Variants in UNC5B observed in about 807,000 individuals in gnomAD.
UNC5B encodes the protein netrin receptor UNC5B.
UNC5B carries 56 observed loss-of-function variants against 103.7 expected under a neutral mutation model. The ratio of observed to expected loss-of-function variants is 0.54; its 90% CI spans 0.44 to 0.67. The LOEUF is 0.67. Among genes scored for constraint, UNC5B ranks in the 30% least tolerant of loss-of-function variants. The probability of loss-of-function intolerance (pLI) is 0.00; values close to 1 mark genes in which losing one functional copy is unlikely to be tolerated. For synonymous variants in UNC5B, 577 were observed against 542.0 expected, an observed-to-expected ratio of 1.06 and a Z score of -0.90; for missense variants, 1,194 against 1,284.5, an observed-to-expected ratio of 0.93 and a Z score of 1.08.
At chr10:71,273,039 C>T (rs1844683951) in intron 1 of UNC5B, among the ~76,000 whole-genome samples, 1 of 152,234 alleles carries the variant, frequency 6.6e-6, no homozygotes, top group African/African-American at 2.4e-5. Context: ...CAGGCATCCG[C>T]CACCACACCC....
rs574361515 is a variant in UNC5B at position 71,226,897 on chromosome 10, T to C, written c.79+13833T>C. 9.2e-5 allele frequency among the ~76,000 whole-genome samples: 14 copies of C among 152,116 alleles called. No homozygotes were observed. In the South Asian group the frequency reaches 1.5e-3, roughly 16 times the overall value. ...ACTTTTCAGATGAGATAGATAGATA[T>C]ATATACCATGGAATACTACTCAGTC... On this transcript the variant is annotated intron_variant, in intron 1 of 16. Coordinates refer to ENST00000335350, the MANE Select transcript of UNC5B (RefSeq NM_170744.5).
intron 1 of UNC5B, among the ~76,000 whole-genome samples, chr10:71,236,779 A>T (rs2132255211): frequency 6.6e-6 from 1 of 152,306 alleles, no homozygotes; most frequent in South Asian, 2.1e-4. Context: ...AGGTCCAGTG[A>T]AGCCCTCAAG....
intron 1 of UNC5B, among the ~76,000 whole-genome samples, chr10:71,225,152 C>A (rs1004156475): frequency 6.6e-6 from 1 of 152,234 alleles, no homozygotes; most frequent in Non-Finnish European, 1.5e-5. Flanking sequence ...ATCTCACCCA[C>A]CTTCTTTGAG....
intron 1 of UNC5B, chr10:71,217,278 G>A (rs1477002232): frequency 2.6e-5 from 4 of 152,648 alleles, no homozygotes; most frequent in Admixed American, 2.0e-4. Flanking sequence ...ACCGTAATTA[G>A]AATAATACAA....
chr10:71,258,739 G>T (rs1405052531), intron 1 of UNC5B, among the ~76,000 whole-genome samples: 1 of 152,208 alleles, frequency 6.6e-6, no homozygotes, highest in Non-Finnish European at 1.5e-5. Context: ...GGCCAAGCTG[G>T]CACCCACTTG....
intron 1 of UNC5B, among the ~76,000 whole-genome samples, chr10:71,268,758 A>G (rs1386236617): frequency 6.6e-6 from 1 of 152,140 alleles, no homozygotes; most frequent in Non-Finnish European, 1.5e-5. Flanking sequence ...CGGCATGGGG[A>G]TGTAAGCACT....
intron 1 of UNC5B, among the ~76,000 whole-genome samples, chr10:71,275,403 A>C (rs1196760714): frequency 6.6e-6 from 1 of 152,222 alleles, no homozygotes; most frequent in Non-Finnish European, 1.5e-5. Context: ...GAGGCCAGGG[A>C]GGCAGGGCTG....
chr10:71,244,937 G>C (rs1843991498), intron 1 of UNC5B, among the ~76,000 whole-genome samples: 1 of 152,228 alleles, frequency 6.6e-6, no homozygotes, highest in African/African-American at 2.4e-5. Context: ...ATGTCTCCCA[G>C]ATGTTCCTCA....
intron 1 of UNC5B, among the ~76,000 whole-genome samples, chr10:71,216,710 C>A (rs1200734892): frequency 6.6e-6 from 1 of 152,218 alleles, no homozygotes; most frequent in African/African-American, 2.4e-5. Context: ...TGACCCTTTT[C>A]CTGGGTGTCA....
chr10:71,243,197 G>A (rs190522320), intron 1 of UNC5B, among the ~76,000 whole-genome samples: 143 of 152,158 alleles, frequency 9.4e-4, no homozygotes, highest in African/African-American at 3.2e-3. Flanking sequence ...ATCTCATCAC[G>A]GCACTCCAGC....
At chr10:71,263,296 C>T (rs994082816) in intron 1 of UNC5B, among the ~76,000 whole-genome samples, 20 of 152,236 alleles carry the variant, frequency 1.3e-4, no homozygotes, top group African/African-American at 4.8e-4. Flanking sequence ...CCTCAGTTTC[C>T]TCATCTGTCC....
At chr10:71,282,189 G>C (rs1305538553) in intron 2 of UNC5B, among the ~76,000 whole-genome samples, 1 of 152,244 alleles carries the variant, frequency 6.6e-6, no homozygotes, top group Non-Finnish European at 1.5e-5. Context: ...GGTGGGGCCT[G>C]ATTCCACTTC....
chr10:71,281,028 G>A (rs1470997499), intron 2 of UNC5B, among the ~76,000 whole-genome samples: 1 of 151,610 alleles, frequency 6.6e-6, no homozygotes, highest in Non-Finnish European at 1.5e-5. Flanking sequence ...TTCCCTATGT[G>A]CCTGTTTTGC....
At chr10:71,291,971 T>A in intron 10 of UNC5B, 150 bp downstream of exon 10, 5 of 1,271,826 alleles carry the variant, frequency 3.9e-6, no homozygotes, top group Non-Finnish European at 5.2e-6. Flanking sequence ...GAGTATAAAA[T>A]AGAGAGGTCT....
At position 71,292,546 on chromosome 10, in the gene UNC5B, A is replaced by G; in HGVS notation, c.1764A>G (p.Glu588=). The change falls in exon 11 of 17, where the codon GAA becomes GAG. Residue 588 remains glutamate (E), a synonymous_variant. Coordinates refer to ENST00000335350, the MANE Select transcript of UNC5B (RefSeq NM_170744.5). Reference sequence around the variant, plus strand: ...TGTATCTACTCATCAACAAGGCAGAAAGTACCCTGTGAGTAGAGCCCCAGC... The same window carrying G: ...TGTATCTACTCATCAACAAGGCAGAGAGTACCCTGTGAGTAGAGCCCCAGC... ...YEMYLLINKA[E]STLPLSEGTQ... 6.2e-7 allele frequency: 1 copy of G among 1,602,400 alleles called. No homozygotes were observed. Among genetic ancestry groups the G allele is most frequent in the Non-Finnish European group, 8.5e-7 (1 of 1,174,520 alleles).
intron 1 of UNC5B, among the ~76,000 whole-genome samples, chr10:71,265,487 A>C (rs1844503403): frequency 6.6e-6 from 1 of 152,176 alleles, no homozygotes; most frequent in Non-Finnish European, 1.5e-5. Context: ...GCGTGAACTA[A>C]GAACTTTTCT....
At chr10:71,221,074 TTG>T (rs1301839017) in intron 1 of UNC5B, among the ~76,000 whole-genome samples, 3 of 152,186 alleles carry the variant, frequency 2.0e-5, no homozygotes, top group Non-Finnish European at 2.9e-5. Flanking sequence ...CCAGAACCAC[TTG>T]TGTTTACAGA....
chr10:71,263,642 C>T (rs753313792), intron 1 of UNC5B, among the ~76,000 whole-genome samples: 11 of 152,182 alleles, frequency 7.2e-5, no homozygotes, highest in Non-Finnish European at 1.3e-4. Context: ...TGGGAAAATG[C>T]CGAGTATTTC....
intron 1 of UNC5B, among the ~76,000 whole-genome samples, chr10:71,236,622 G>A (rs940055350): frequency 3.3e-5 from 5 of 152,196 alleles, no homozygotes; most frequent in African/African-American, 9.7e-5. Context: ...CACACTGACC[G>A]GCAGTGGCCT....
Sources: gnomAD v4.1 joint callset for allele counts (sites outside exome capture counted in the v4.1 genomes callset) on GRCh38, gnomAD v4.1.1 for gene constraint, MANE v1.5 for transcripts, NCBI Gene and HGNC (gene_info 2026-07-23, HGNC 2026-07-21) for gene names.